FAT4: variants seen among roughly 807,000 people sequenced by gnomAD.
The protein encoded by FAT4 is protocadherin Fat 4.
Under a neutral mutation model 303.9 loss-of-function variants are expected in FAT4, and 84 were observed. That is an observed-to-expected ratio of 0.28 (90% confidence interval 0.23 to 0.33). The LOEUF is 0.33. Ranked by LOEUF, FAT4 falls within the 10% of genes least tolerant of loss-of-function variation. FAT4 has a pLI of 1.00. For synonymous variants in FAT4, 2,307 were observed against 2,298.8 expected (o/e 1.00, Z -0.10); for missense variants, 6,005 against 6,146.8 (o/e 0.98, Z 0.77).
chr4:125,329,288 C>T (rs1246959381), intron 2 of FAT4, among the ~76,000 whole-genome samples: 1 of 152,216 alleles, frequency 6.6e-6, no homozygotes, highest in African/African-American at 2.4e-5. Flanking sequence ...ATTGCTCTTA[C>T]TGAGGCCACT....
intron 16 of FAT4, among the ~76,000 whole-genome samples, chr4:125,486,303 G>T (rs1727411407): frequency 6.6e-6 from 1 of 150,532 alleles, no homozygotes; most frequent in African/African-American, 2.4e-5. Context: ...ATTATTATCT[G>T]GAAAAATTGG....
chr4:125,369,275 G>A (rs1733011536), intron 2 of FAT4, among the ~76,000 whole-genome samples: 1 of 152,036 alleles, frequency 6.6e-6, no homozygotes, highest in Non-Finnish European at 1.5e-5. Flanking sequence ...AAGGAAGAGG[G>A]AACAACTGTC....
intron 2 of FAT4, among the ~76,000 whole-genome samples, chr4:125,350,448 T>A (rs77119814): frequency 0.029 from 4,392 of 151,910 alleles, 217 homozygotes; most frequent in Admixed American, 0.13. Context: ...CTGATTTTTT[T>A]AAATCAATTT....
At chr4:125,391,434 T>G (rs1245099367) in intron 2 of FAT4, among the ~76,000 whole-genome samples, 1 of 152,004 alleles carries the variant, frequency 6.6e-6, no homozygotes, top group African/African-American at 2.4e-5. Flanking sequence ...AACCATATTC[T>G]GCATGCTCTC....
chr4:125,361,100 A>G (rs1732648481), intron 2 of FAT4, among the ~76,000 whole-genome samples: 2 of 151,746 alleles, frequency 1.3e-5, no homozygotes. Context: ...CTGTATGGCT[A>G]AATATTACAT....
In FAT4 at chr4:125,457,318, G is replaced by A. The variant is rs569707282; in HGVS notation, c.11800+4508G>A. Among the ~76,000 whole-genome samples the A allele has an allele frequency of 8.5e-5, 13 of 152,098 alleles. No homozygotes were observed. In the South Asian group the frequency reaches 1.5e-3, roughly 17 times the overall value. Reference sequence around the variant, plus strand: ...TATGTAGAGAACAACTTATAAGGACGCAAGTATGAAAATGATAATCATGGA... The same window carrying A: ...TATGTAGAGAACAACTTATAAGGACACAAGTATGAAAATGATAATCATGGA... On this transcript the variant is annotated intron_variant, in intron 10 of 17. Transcript: ENST00000394329.
intron 7 of FAT4, among the ~76,000 whole-genome samples, chr4:125,424,754 A>G (rs946897407): frequency 2.0e-5 from 3 of 152,198 alleles, no homozygotes; most frequent in East Asian, 1.9e-4. Context: ...ACAATATAGT[A>G]TATAGATTGG....
At chr4:125,402,046 G>A (rs1410268755) in intron 3 of FAT4, among the ~76,000 whole-genome samples, 1 of 151,248 alleles carries the variant, frequency 6.6e-6, no homozygotes, top group East Asian at 2.0e-4. Flanking sequence ...CATTACTCTT[G>A]GCCAGATATT....
chr4:125,339,870 A>T (rs539939449), intron 2 of FAT4, among the ~76,000 whole-genome samples: 11 of 152,240 alleles, frequency 7.2e-5, no homozygotes, highest in South Asian at 2.1e-4. Flanking sequence ...TGGAAAATTT[A>T]AAAAAATAAT....
At position 125,408,768 on chromosome 4, in the gene FAT4, T is replaced by G; in HGVS notation, c.5894T>G (p.Val1965Gly). ...ENLPVGSTVL[V>G]FNVTDADDGI... ...CTACCTGTGGGATCTACTGTTCTTG[T>G]GTTTAATGTTACTGATGCAGATGAT... Residue 1965 changes from valine to glycine, a missense_variant, in exon 5 of 18, where the codon GTG becomes GGG. Physicochemically the swap from Val to Gly is moderately radical, Grantham distance 109. Coordinates refer to ENST00000394329, the MANE Select transcript of FAT4 (RefSeq NM_001291303.3). 6.4e-7 allele frequency: 1 copy of G among 1,560,958 alleles called. No homozygotes were observed. The highest frequency in any genetic ancestry group is 8.7e-7 in the Non-Finnish European group (1 of 1,152,070).
intron 7 of FAT4, among the ~76,000 whole-genome samples, chr4:125,419,012 A>C (rs9996895): frequency 0.99 from 150,820 of 152,232 alleles, 74,725 homozygotes; most frequent in East Asian, 1. Context: ...GAAGTATATC[A>C]TGTAGTTAAA....
intron 4 of FAT4, 144 bp from the exon 5 acceptor site, chr4:125,408,300 A>G (rs975500790): frequency 3.7e-6 from 2 of 543,808 alleles, no homozygotes; most frequent in Admixed American, 7.1e-5. Flanking sequence ...AATCTGCAGA[A>G]TGTTATGTTC....
At chr4:125,351,441 G>A (rs917579461) in intron 2 of FAT4, among the ~76,000 whole-genome samples, 1 of 151,698 alleles carries the variant, frequency 6.6e-6, no homozygotes, top group Non-Finnish European at 1.5e-5. Context: ...CATGAACCAT[G>A]TGATGCATGT....
At position 125,393,973 on chromosome 4, in the gene FAT4, C is replaced by T; in HGVS notation, c.5176-4811C>T. The T allele has an allele frequency of 2.6e-6, 2 of 780,266 alleles. 1 individual carries two copies. Among genetic ancestry groups the T allele is most frequent in the South Asian group, 2.7e-5 (2 of 74,570 alleles). The allele number at this position is 780,266 out of a possible 1,614,324, so 48.3% of individuals were successfully genotyped here. On this transcript the variant is annotated intron_variant, in intron 2 of 17. Transcript: ENST00000394329. ...GTAGTGGCAGTGGGTGATACCTTAGCTCAACCATTAGCTGCAGCTGAAGTG... is the reference window on the plus strand; with the variant it reads ...GTAGTGGCAGTGGGTGATACCTTAGTTCAACCATTAGCTGCAGCTGAAGTG...
intron 7 of FAT4, among the ~76,000 whole-genome samples, chr4:125,427,159 A>T (rs1376770471): frequency 6.6e-6 from 1 of 151,606 alleles, no homozygotes; most frequent in African/African-American, 2.4e-5. Flanking sequence ...GCAGGCATAA[A>T]ATATTTGGTT....
At chr4:125,489,845 C>CTGTTT (rs1194555502) in intron 17 of FAT4, 56 bp from the exon 18 acceptor site, 1 of 465,040 alleles carries the variant, frequency 2.2e-6, no homozygotes, top group Admixed American at 5.3e-5. Context: ...GTAGTATAAG[C>CTGTTT]TCTTTTTTTT....
chr4:125,420,927 TTTTG>T (rs747222350), intron 7 of FAT4, among the ~76,000 whole-genome samples: 72 of 152,248 alleles, frequency 4.7e-4, no homozygotes, highest in South Asian at 8.3e-4. Context: ...TCTGAATAGT[TTTTG>T]TTTGTTTGTT....
chr4:125,377,122 G>T (rs79453842), intron 2 of FAT4, among the ~76,000 whole-genome samples: 8,853 of 151,986 alleles, frequency 0.058, 410 homozygotes, highest in East Asian at 0.19. Flanking sequence ...TCATATAAAT[G>T]ACACAGATGT....
chr4:125,487,493 G>T lies in FAT4; in HGVS notation c.12971G>T (p.Arg4324Ile). 2 of 1,614,104 alleles carry T rather than the reference G, an allele frequency of 1.2e-6. No individual in the cohort carries two copies. The highest frequency in any genetic ancestry group is 1.7e-6 in the Non-Finnish European group (2 of 1,179,976). The change falls in exon 17 of 18, where the codon AGA (arginine) becomes ATA (isoleucine). Residue 4324 changes from arginine (R) to isoleucine (I), a missense_variant. Transcript: ENST00000394329. Reference protein sequence around the residue: ...NGTATVLSVDRIYNRDIIHPT... With the variant: ...NGTATVLSVDIIYNRDIIHPT... ...ACAGCAACAGTATTGTCTGTTGACA[G>T]AATATATAACAGAGATATTATCCAC...
Sources: allele counts gnomAD v4.1 joint callset (sites outside exome capture counted in the v4.1 genomes callset), GRCh38; gene constraint gnomAD v4.1.1; transcripts MANE v1.5; gene names NCBI Gene and HGNC (gene_info 2026-07-23, HGNC 2026-07-21).